Variants in THSD4 observed in about 807,000 individuals in gnomAD.
THSD4 encodes the protein thrombospondin type-1 domain-containing protein 4.
Under a neutral mutation model 119.0 loss-of-function variants are expected in THSD4, and 69 were observed. The observed-to-expected ratio is 0.58, with a 90% CI of 0.48 to 0.71. The LOEUF is 0.71. Among genes scored for constraint, THSD4 ranks in the 30% least tolerant of loss-of-function variants. The pLI is 0.00. For synonymous variants in THSD4, 524 were observed against 540.4 expected (o/e 0.97, Z 0.42); for missense variants, 1,393 against 1,391.1 (o/e 1.00, Z -0.02).
rs137941203 is a variant in THSD4, at chr15:71,574,339, A to G, written c.1153-86191A>G. Among the ~76,000 whole-genome samples, 5 of 152,342 alleles carry G rather than the reference A, an allele frequency of 3.3e-5. No homozygotes were observed. In the East Asian group the frequency reaches 9.6e-4, roughly 29 times the overall value. The stretch of plus-strand genomic sequence containing the variant: ...ATTATTGTCATCCCCTTTTGCTGAC[A>G]AGCAAAATGAGGCTTGGAAACACTA... On this transcript the variant is annotated intron_variant, in intron 7 of 17. Coordinates refer to ENST00000261862, the MANE Select transcript of THSD4 (RefSeq NM_024817.3).
In THSD4 at chr15:71,298,765, G is replaced by A. The variant is rs770918880; in HGVS notation, c.1015+42050G>A. Reference sequence around the variant, plus strand: ...GTAGCTGGGACTACAGGCACACGCCGCCACACCCGGCTAATTTTTTGTATT... The same window carrying A: ...GTAGCTGGGACTACAGGCACACGCCACCACACCCGGCTAATTTTTTGTATT... On this transcript the variant is annotated intron_variant, in intron 6 of 17. Coordinates refer to ENST00000261862, the MANE Select transcript of THSD4 (RefSeq NM_024817.3). Among the ~76,000 whole-genome samples the A allele has an allele frequency of 6.6e-4, 101 of 152,020 alleles. 1 individual carries two copies. Among genetic ancestry groups the A allele is most frequent in the Admixed American group, 3.7e-3 (57 of 15,254 alleles).
At chr15:71,448,771 C>T (rs1368638083) in intron 7 of THSD4, among the ~76,000 whole-genome samples, 1 of 152,128 alleles carries the variant, frequency 6.6e-6, no homozygotes, top group African/African-American at 2.4e-5. Context: ...CTGCAGTTAC[C>T]TCCATTAACT....
intron 6 of THSD4, among the ~76,000 whole-genome samples, chr15:71,399,045 C>T (rs1273798731): frequency 6.6e-6 from 1 of 152,026 alleles, no homozygotes; most frequent in African/African-American, 2.4e-5. Context: ...CCAGTGGTGC[C>T]ATAGCTGTAG....
chr15:71,665,424 A>G (rs1235797325), intron 8 of THSD4, among the ~76,000 whole-genome samples: 1 of 152,066 alleles, frequency 6.6e-6, no homozygotes, highest in East Asian at 1.9e-4. Context: ...TAGTTTGCAA[A>G]TATTTTCTCC....
intron 6 of THSD4, among the ~76,000 whole-genome samples, chr15:71,409,487 A>G (rs1456858762): frequency 6.6e-6 from 1 of 152,178 alleles, no homozygotes; most frequent in East Asian, 1.9e-4. Flanking sequence ...TTTTTAATCT[A>G]TCAAATGATG....
intron 6 of THSD4, among the ~76,000 whole-genome samples, chr15:71,339,792 T>A (rs2045539725): frequency 6.6e-6 from 1 of 150,898 alleles, no homozygotes; most frequent in Admixed American, 6.6e-5. Context: ...TGAGATGGAG[T>A]CTTACTCTGT....
rs1400895814 is a variant in THSD4 at position 71,540,574 on chromosome 15, ACG to A, written c.1153-119955_1153-119954del. ...CTCCCGAGTAGATGGGATTACAAGC[ACG>A]TGCCACCACACTCAGCTAATTTTTG... is the stretch of plus-strand genomic sequence containing the variant. On this transcript the variant is annotated intron_variant, in intron 7 of 17. Transcript: ENST00000261862. Among the ~76,000 whole-genome samples, 219 of 141,662 alleles carry A rather than the reference ACG, an allele frequency of 1.5e-3. 2 individuals are homozygous for A. The highest frequency in any genetic ancestry group is 5.4e-3 in the African/African-American group (203 of 37,386). 92.9% of individuals were successfully genotyped at this position (141,662 alleles called of 152,430 possible).
At chr15:71,559,910 A>G (rs532131036) in intron 7 of THSD4, among the ~76,000 whole-genome samples, 12 of 152,296 alleles carry the variant, frequency 7.9e-5, no homozygotes, top group African/African-American at 2.4e-4. Context: ...TTGCCAAGAA[A>G]CTATTGAATA....
chr15:71,647,824 A>G (rs574533888), intron 7 of THSD4, among the ~76,000 whole-genome samples: 19 of 152,284 alleles, frequency 1.2e-4, no homozygotes, highest in South Asian at 4.1e-4. Flanking sequence ...GAGGACTTCA[A>G]TATGGGATTG....
Position 71,242,792 on chromosome 15 carries a change from G to A in THSD4, c.608G>A (p.Gly203Glu), listed in dbSNP as rs756884711. ...KLSSRHSRSQ[G>E]ASSARHGYSS... The stretch of plus-strand genomic sequence containing the variant: ...TCATCCCGCCATTCCAGGTCCCAGG[G>A]AGCATCTTCTGCTAGGCATGGCTAC... Residue 203 changes from glycine (G) to glutamate (E), a missense_variant, in exon 5 of 18, where the codon GGA (glycine) becomes GAA (glutamate). Physicochemically the swap from Gly to Glu is moderately conservative, Grantham distance 98 (BLOSUM62 -2). Transcript: ENST00000261862. 1.2e-6 allele frequency: 2 copies of A among 1,614,180 alleles called. No homozygotes were observed. The highest frequency in any genetic ancestry group is 1.1e-5 in the South Asian group (1 of 91,082).
chr15:71,340,915 A>C (rs964559451), intron 6 of THSD4, among the ~76,000 whole-genome samples: 2 of 152,064 alleles, frequency 1.3e-5, no homozygotes, highest in African/African-American at 2.4e-5. Context: ...GATTATTTTC[A>C]TAAGCTTTCC....
intron 4 of THSD4, among the ~76,000 whole-genome samples, chr15:71,223,016 A>G (rs184759409): frequency 6.6e-6 from 1 of 152,294 alleles, no homozygotes; most frequent in African/African-American, 2.4e-5. Flanking sequence ...TGTGAGTTGG[A>G]TAACTCACAC....
At chr15:71,595,449 C>A (rs1320883048) in intron 7 of THSD4, among the ~76,000 whole-genome samples, 1 of 152,166 alleles carries the variant, frequency 6.6e-6, no homozygotes, top group Admixed American at 6.5e-5. Context: ...CCTCATTTTT[C>A]TCTTGCCACC....
At chr15:71,112,049 T>C (rs1323811271), upstream of THSD4, 5 of 1,564,810 alleles carry the variant, frequency 3.2e-6, no homozygotes, top group Non-Finnish European at 4.3e-6. Flanking sequence ...TGTAATCTGT[T>C]CACACGTTGC....
At chr15:71,217,564 A>G (rs55776737) in intron 4 of THSD4, among the ~76,000 whole-genome samples, 24,068 of 151,106 alleles carry the variant, frequency 0.16, 2,094 homozygotes, top group Middle Eastern at 0.26. Flanking sequence ...CAGAGCTTGC[A>G]GTGAGCCGAG....
intron 6 of THSD4, among the ~76,000 whole-genome samples, chr15:71,263,642 C>G (rs2044429951): frequency 6.6e-6 from 1 of 152,170 alleles, no homozygotes; most frequent in Non-Finnish European, 1.5e-5. Flanking sequence ...TCTCCACAAC[C>G]TTGCCAGCAT....
chr15:71,619,964 G>T (rs2140925772), intron 7 of THSD4, among the ~76,000 whole-genome samples: 1 of 152,288 alleles, frequency 6.6e-6, no homozygotes, highest in Non-Finnish European at 1.5e-5. Context: ...TAGAAGACTA[G>T]AGTTACATAT....
chr15:71,656,372 A>C (rs1044063071), intron 7 of THSD4, among the ~76,000 whole-genome samples: 45 of 152,228 alleles, frequency 3.0e-4, no homozygotes, highest in Admixed American at 2.9e-3. Flanking sequence ...ACACTATTTC[A>C]AAATAAAACA....
intron 3 of THSD4, among the ~76,000 whole-genome samples, chr15:71,165,626 G>A (rs2043288013): frequency 6.6e-6 from 1 of 152,088 alleles, no homozygotes; most frequent in Non-Finnish European, 1.5e-5. Flanking sequence ...GGTTCTGGGT[G>A]GACTCAGTAA....
Sources: gnomAD v4.1 joint callset for allele counts (sites outside exome capture counted in the v4.1 genomes callset) on GRCh38, gnomAD v4.1.1 for gene constraint, MANE v1.5 for transcripts, NCBI Gene and HGNC (gene_info 2026-07-23, HGNC 2026-07-21) for gene names.